Variants in RNF180 observed in about 807,000 individuals in gnomAD.
The protein encoded by RNF180 is E3 ubiquitin-protein ligase RNF180.
RNF180 carries 38 observed loss-of-function variants against 59.2 expected under a neutral mutation model. The ratio of observed to expected loss-of-function variants is 0.64; its 90% CI spans 0.50 to 0.84. RNF180 has a LOEUF of 0.84. Among genes scored for constraint, RNF180 ranks in the 40% least tolerant of loss-of-function variants. The pLI, the probability that RNF180 is intolerant of heterozygous loss-of-function variation, is 0.00. For synonymous variants in RNF180, 262 were observed against 240.3 expected, an observed-to-expected ratio of 1.09 and a Z score of -0.84; for missense variants, 705 against 700.9, an observed-to-expected ratio of 1.01 and a Z score of -0.07.
At chr5:64,224,461 A>G (rs1179532923) in intron 5 of RNF180, among the ~76,000 whole-genome samples, 1 of 152,150 alleles carries the variant, frequency 6.6e-6, no homozygotes, top group Non-Finnish European at 1.5e-5. Flanking sequence ...TGAGAGAATG[A>G]GAGTTTTGAT....
At chr5:64,354,656 C>G (rs1216229281) in intron 7 of RNF180, among the ~76,000 whole-genome samples, 2 of 151,890 alleles carry the variant, frequency 1.3e-5, no homozygotes, top group Admixed American at 1.3e-4. Flanking sequence ...AATTATAGAC[C>G]ACTATCCCTT....
intron 5 of RNF180, among the ~76,000 whole-genome samples, chr5:64,242,571 G>A (rs544120516): frequency 1.3e-5 from 2 of 152,166 alleles, no homozygotes; most frequent in Non-Finnish European, 2.9e-5. Flanking sequence ...ATATTTTGGA[G>A]CTGAAAAGTT....
chr5:64,346,359 CTTTTTTTTT>C (rs1162054033), intron 7 of RNF180, among the ~76,000 whole-genome samples: 56 of 42,952 alleles, frequency 1.3e-3, no homozygotes, highest in South Asian at 9.2e-3. Flanking sequence ...TTCTTTTCTT[CTTTTTTTTT>C]TTTTTTTTTT....
chr5:64,349,166 T>G (rs1745677919), intron 7 of RNF180, among the ~76,000 whole-genome samples: 1 of 152,080 alleles, frequency 6.6e-6, no homozygotes. Flanking sequence ...TCCTCCCATT[T>G]CTTACATCAA....
At chr5:64,224,887 C>T (rs1197618192) in intron 5 of RNF180, among the ~76,000 whole-genome samples, 1 of 152,212 alleles carries the variant, frequency 6.6e-6, no homozygotes, top group East Asian at 1.9e-4. Flanking sequence ...GTTCGGCTAG[C>T]TTGCTCTCTT....
intron 7 of RNF180, among the ~76,000 whole-genome samples, chr5:64,350,784 C>G (rs1268413520): frequency 6.6e-6 from 1 of 152,096 alleles, no homozygotes; most frequent in African/African-American, 2.4e-5. Flanking sequence ...GTTTTGGTAC[C>G]AGTACCATGC....
At chr5:64,192,720 A>G (rs1158715109) in intron 1 of RNF180, among the ~76,000 whole-genome samples, 2 of 151,790 alleles carry the variant, frequency 1.3e-5, no homozygotes, top group African/African-American at 4.8e-5. Flanking sequence ...GAAAATTAAA[A>G]GTAGAACTAC....
chr5:64,330,172 G>T lies in RNF180; in HGVS notation c.1454-109G>T. 5.4e-6 allele frequency: 4 copies of T among 746,360 alleles called. No individual in the cohort carries two copies. The South Asian group carries it at 7.3e-5, about 14-fold the overall frequency. 46.2% of individuals were successfully genotyped at this position (746,360 alleles called of 1,614,324 possible). A position where few individuals can be genotyped will look rare whatever the true frequency, so the allele number is the denominator to read the frequency against. ...TTTTTGTCTTCACTGACTTAAAGAGGTGTGAATTGTATCAAATAGTATCAA... is the reference window on the plus strand; with the variant it reads ...TTTTTGTCTTCACTGACTTAAAGAGTTGTGAATTGTATCAAATAGTATCAA... On this transcript the variant is annotated intron_variant, in intron 6 of 7. Transcript: ENST00000389100.
chr5:64,320,871 T>C (rs1180847826), intron 5 of RNF180, among the ~76,000 whole-genome samples: 1 of 152,066 alleles, frequency 6.6e-6, no homozygotes, highest in Non-Finnish European at 1.5e-5. Flanking sequence ...ACCCTGTCTC[T>C]ACTAAAAATA....
intron 7 of RNF180, among the ~76,000 whole-genome samples, chr5:64,330,690 A>G (rs1227781450): frequency 6.6e-6 from 1 of 152,238 alleles, no homozygotes; most frequent in East Asian, 1.9e-4. Context: ...TCTCAAAAGT[A>G]TCAGATTTGA....
At chr5:64,200,486 A>G (rs1218373306) in intron 1 of RNF180, among the ~76,000 whole-genome samples, 1 of 152,092 alleles carries the variant, frequency 6.6e-6, no homozygotes, top group Non-Finnish European at 1.5e-5. Context: ...CTACTGCAGT[A>G]ACTTATTGAA....
upstream of RNF180, among the ~76,000 whole-genome samples, chr5:64,165,362 G>A (rs1033432002): frequency 6.7e-6 from 1 of 150,042 alleles, no homozygotes; most frequent in East Asian, 1.9e-4. Flanking sequence ...CACATCGGTG[G>A]AACTTTAGGC....
intron 7 of RNF180, among the ~76,000 whole-genome samples, chr5:64,367,495 C>A (rs1351382187): frequency 6.6e-6 from 1 of 151,648 alleles, no homozygotes; most frequent in Non-Finnish European, 1.5e-5. Flanking sequence ...TGTAGCTCTA[C>A]AAATTCTGTT....
At chr5:64,256,284 G>A (rs548636668) in intron 5 of RNF180, among the ~76,000 whole-genome samples, 1 of 152,266 alleles carries the variant, frequency 6.6e-6, no homozygotes, top group Admixed American at 6.5e-5. Flanking sequence ...CCGTGCCTAT[G>A]TCCTGAATTG....
intron 2 of RNF180, among the ~76,000 whole-genome samples, chr5:64,204,840 A>T (rs1751934623): frequency 6.6e-6 from 1 of 152,152 alleles, no homozygotes; most frequent in East Asian, 1.9e-4. Context: ...TACTGAGGTT[A>T]TAATCAGCTT....
At chr5:64,302,344 A>G (rs1045103054) in intron 5 of RNF180, among the ~76,000 whole-genome samples, 18 of 151,548 alleles carry the variant, frequency 1.2e-4, no homozygotes, top group Non-Finnish European at 2.2e-4. Flanking sequence ...TTATTTTTTT[A>G]GTTCGGATTC....
Position 64,369,859 on chromosome 5 carries a change from A to AAATGTT in RNF180, c.*45_*46insAATGTT. ...AATTGACCAATCATAAATGATGTAAATAACAATTGCTTAAACATTTTTAAA... is the reference window on the plus strand; with the variant it reads ...AATTGACCAATCATAAATGATGTAAAAATGTTTAACAATTGCTTAAACATTTTTAAA... On this transcript the variant is annotated 3_prime_UTR_variant, in exon 8 of 8. Transcript: ENST00000389100. 9.5e-7 allele frequency: 1 copy of AAATGTT among 1,053,882 alleles called. No individual in the cohort carries two copies. The highest frequency in any genetic ancestry group is 1.3e-6 in the Non-Finnish European group (1 of 781,540). The allele number at this position is 1,053,882 out of a possible 1,614,324, so 65.3% of individuals were successfully genotyped here.
intron 7 of RNF180, among the ~76,000 whole-genome samples, chr5:64,359,610 C>A (rs1746166142): frequency 1.3e-5 from 2 of 151,694 alleles, no homozygotes; most frequent in South Asian, 2.1e-4. Context: ...ATGGTAGTTT[C>A]TTTTGCTGTG....
intron 7 of RNF180, among the ~76,000 whole-genome samples, chr5:64,364,167 A>G (rs1434561507): frequency 1.3e-5 from 2 of 151,580 alleles, no homozygotes; most frequent in African/African-American, 4.8e-5. Context: ...TATGTTTTTC[A>G]AGGGGAATGC....
Sources: allele counts gnomAD v4.1 joint callset (sites outside exome capture counted in the v4.1 genomes callset), GRCh38; gene constraint gnomAD v4.1.1; transcripts MANE v1.5; gene names NCBI Gene and HGNC (gene_info 2026-07-23, HGNC 2026-07-21).